The following TG variants were observed in gnomAD, a reference collection of about 807,000 sequenced individuals.
TG encodes the protein thyroglobulin, also known as thyroid hormones.
In TG, 270 loss-of-function variants were observed where a neutral mutation model predicts 324.7. The observed-to-expected ratio is 0.83, with a 90% CI of 0.75 to 0.92. The LOEUF (loss-of-function observed/expected upper bound fraction) is 0.92, where lower values mean the gene tolerates loss of function less well. Among genes scored for constraint, TG ranks in the 40% least tolerant of loss-of-function variants. The pLI is 0.00. For missense variants in TG, 3,591 were observed against 3,456.4 expected (o/e 1.04, Z -0.98); for synonymous variants, 1,401 against 1,327.0 (o/e 1.06, Z -1.21).
rs147183756 is a variant in TG at position 132,911,412 on chromosome 8, C to A, written c.4038C>A (p.Val1346=). 6 of 1,614,082 alleles carry A rather than the reference C, an allele frequency of 3.7e-6. No individual in the cohort carries two copies. The highest frequency in any genetic ancestry group is 5.1e-6 in the Non-Finnish European group (6 of 1,180,052). ...TTGGCACCCTGGTTTCCATTCCTGT[C>A]TGCAACAACTCCTCTGTGCAGGTGG... ...KTFGTLVSIP[V]CNNSSVQVGC... Residue 1346 remains valine (V), a synonymous_variant, in exon 19 of 48, where the codon GTC becomes GTA. Coordinates refer to ENST00000220616, the MANE Select transcript of TG (RefSeq NM_003235.5).
chr8:132,962,120 A>G (rs756427533), intron 28 of TG, among the ~76,000 whole-genome samples: 28 of 152,190 alleles, frequency 1.8e-4, no homozygotes, highest in Non-Finnish European at 2.9e-4. Context: ...GATGAAGTGA[A>G]GAAGGAAGGC....
chr8:132,982,047 T>A (rs1259245678), intron 34 of TG, among the ~76,000 whole-genome samples: 1 of 152,168 alleles, frequency 6.6e-6, no homozygotes, highest in Non-Finnish European at 1.5e-5. Context: ...AGTATATTAT[T>A]GTTAAAGGGC....
chr8:133,132,263 T>A (rs2130407523), intron 46 of TG, among the ~76,000 whole-genome samples: 1 of 151,740 alleles, frequency 6.6e-6, no homozygotes, highest in East Asian at 1.9e-4. Context: ...TTGTAGGATG[T>A]TTAACAGCAT....
Position 132,913,120 on chromosome 8 carries a change from T to C in TG, c.4233T>C (p.His1411=). The C allele has an allele frequency of 6.2e-7, 1 of 1,614,182 alleles. No homozygotes were observed. The change falls in exon 20 of 48, where the codon CAT becomes CAC. Residue 1411 remains histidine, a synonymous_variant. Transcript: ENST00000220616. ...DLIQSGSFQL[H]LDSKTFPAET... ...TCCAGAGTGGCTCATTCCAGCTTCATCTGGACTCCAAGACGTTCCCAGCGG... is the reference window on the plus strand; with the variant it reads ...TCCAGAGTGGCTCATTCCAGCTTCACCTGGACTCCAAGACGTTCCCAGCGG...
At chr8:133,067,475 G>A (rs967380480) in intron 41 of TG, among the ~76,000 whole-genome samples, 3 of 152,124 alleles carry the variant, frequency 2.0e-5, no homozygotes, top group African/African-American at 7.2e-5. Context: ...AAACCCCTGG[G>A]GAAGAACGTG....
chr8:133,041,141 G>A (rs1008749721), intron 41 of TG, among the ~76,000 whole-genome samples: 1 of 152,200 alleles, frequency 6.6e-6, no homozygotes, highest in Non-Finnish European at 1.5e-5. Flanking sequence ...CTGTGCCCTG[G>A]GGGGAGATGA....
At chr8:132,922,065 T>C (rs370128706) in intron 21 of TG, among the ~76,000 whole-genome samples, 5 of 152,198 alleles carry the variant, frequency 3.3e-5, no homozygotes, top group African/African-American at 1.2e-4. Context: ...ATAGTGGGTA[T>C]ATATTAAATA....
At chr8:132,888,638 A>G in intron 10 of TG, 70 bp downstream of exon 10, 1 of 1,415,024 alleles carries the variant, frequency 7.1e-7, no homozygotes, top group Non-Finnish European at 9.4e-7. Flanking sequence ...TGTTTAACAT[A>G]TAAAAAAGGA....
intron 16 of TG, among the ~76,000 whole-genome samples, chr8:132,902,243 G>T (rs1312301688): frequency 1.3e-5 from 2 of 152,130 alleles, no homozygotes; most frequent in Admixed American, 1.3e-4. Context: ...TGTGCTAAAT[G>T]ATTCTGAGTT....
chr8:132,994,724 G>A (rs1360825459), intron 35 of TG: 10 of 1,288,598 alleles, frequency 7.8e-6, no homozygotes, highest in Non-Finnish European at 1.0e-5. Flanking sequence ...AGTGTTTAAA[G>A]TCCGGGAGGT....
At chr8:132,961,743 A>G (rs1472158367) in intron 28 of TG, among the ~76,000 whole-genome samples, 1 of 147,510 alleles carries the variant, frequency 6.8e-6, no homozygotes, top group African/African-American at 2.5e-5. Flanking sequence ...GGTCATGGCC[A>G]TATGTGCTGG....
intron 35 of TG, among the ~76,000 whole-genome samples, chr8:133,009,348 C>G (rs1212949946): frequency 2.0e-5 from 3 of 151,936 alleles, no homozygotes; most frequent in African/African-American, 7.3e-5. Context: ...AAATGAAAAC[C>G]CAGCATCTCT....
At chr8:132,915,599 A>T (rs1223228126) in intron 20 of TG, among the ~76,000 whole-genome samples, 1 of 152,134 alleles carries the variant, frequency 6.6e-6, no homozygotes, top group Non-Finnish European at 1.5e-5. Flanking sequence ...CTGGAACAGG[A>T]CTCAGCAAAC....
chr8:132,991,091 C>T (rs1357855284), intron 35 of TG, among the ~76,000 whole-genome samples: 1 of 151,344 alleles, frequency 6.6e-6, no homozygotes, highest in Non-Finnish European at 1.5e-5. Context: ...ATTGTTATGG[C>T]CTCACGCTGG....
intron 41 of TG, among the ~76,000 whole-genome samples, chr8:133,034,310 C>T (rs891546331): frequency 6.6e-5 from 10 of 152,192 alleles, no homozygotes; most frequent in African/African-American, 2.2e-4. Flanking sequence ...TCTTTTTGTA[C>T]AGTTTTGAAC....
chr8:133,061,618 T>C (rs1842377943), intron 41 of TG, among the ~76,000 whole-genome samples: 1 of 152,180 alleles, frequency 6.6e-6, no homozygotes, highest in African/African-American at 2.4e-5. Context: ...CTGCCTGCTT[T>C]GTGGGGTCAA....
intron 41 of TG, chr8:133,040,216 A>C (rs552120547): frequency 1.4e-6 from 2 of 1,430,732 alleles, no homozygotes; most frequent in East Asian, 2.5e-5. Flanking sequence ...TCTCCAGTGC[A>C]GCTCCCTGGC....
At chr8:133,026,666 C>A (rs925641859) in intron 40 of TG, among the ~76,000 whole-genome samples, 1 of 152,180 alleles carries the variant, frequency 6.6e-6, no homozygotes, top group Non-Finnish European at 1.5e-5. Context: ...GGACACCAGA[C>A]AGAAGGTCCG....
intron 20 of TG, among the ~76,000 whole-genome samples, chr8:132,917,043 C>CTCCT (rs1268389871): frequency 0.067 from 3,257 of 48,720 alleles, 174 homozygotes; most frequent in Non-Finnish European, 0.099. Flanking sequence ...CCCTCCCTCC[C>CTCCT]TCCTTCCTTC....
Sources: allele counts gnomAD v4.1 joint callset (sites outside exome capture counted in the v4.1 genomes callset), GRCh38; gene constraint gnomAD v4.1.1; transcripts MANE v1.5; gene names NCBI Gene and HGNC (gene_info 2026-07-23, HGNC 2026-07-21).